Variants in PPP2R5C observed in about 807,000 individuals in gnomAD.
The protein encoded by PPP2R5C is serine/threonine-protein phosphatase 2A 56 kDa regulatory subunit gamma isoform.
A neutral mutation model predicts 68.9 loss-of-function variants in PPP2R5C; 7 were observed. That is an observed-to-expected ratio of 0.10 (90% CI 0.06 to 0.19). The LOEUF (loss-of-function observed/expected upper bound fraction) is 0.19, where lower values mean the gene tolerates loss of function less well. Ranked by LOEUF, PPP2R5C falls within the 10% of genes least tolerant of loss-of-function variation. PPP2R5C has a pLI of 1.00. For synonymous variants in PPP2R5C, 210 were observed against 222.2 expected, an observed-to-expected ratio of 0.95 and a Z score of 0.49; for missense variants, 348 against 641.3, an observed-to-expected ratio of 0.54 and a Z score of 4.94.
chr14:101,890,042 TGCCCTCGAG>T, intron 5 of PPP2R5C, 186 bp from the exon 8 acceptor site: 3 of 685,834 alleles, frequency 4.4e-6, no homozygotes, highest in Non-Finnish European at 8.0e-6. Context: ...CCAAGTTCTC[TGCCCTCGAG>T]GCATTTACAG....
At position 101,882,943 on chromosome 14, in the gene PPP2R5C, T is replaced by C. The variant is rs561839398; in HGVS notation, c.406-314T>C. 2 of 244,854 alleles carry C rather than the reference T, an allele frequency of 8.2e-6. No homozygotes were observed. The highest frequency in any genetic ancestry group is 2.4e-4 in the East Asian group (2 of 8,316). 15.2% of individuals were successfully genotyped at this position (244,854 alleles called of 1,614,324 possible). Reference sequence around the variant, plus strand: ...CAGGCTGCAAATCCCCCCTGCAGAGTTGGGTCATGGCTTGGTTTGTGGCAT... The same window carrying C: ...CAGGCTGCAAATCCCCCCTGCAGAGCTGGGTCATGGCTTGGTTTGTGGCAT... On this transcript the variant is annotated intron_variant, in intron 3 of 13. Transcript: ENST00000334743. This position sits in a 1 kb window ranked among gnomAD's most constrained non-coding sequence, Gnocchi z 4.9.
At chr14:101,900,579 G>A (rs753771319) in intron 8 of PPP2R5C, among the ~76,000 whole-genome samples, 7 of 152,164 alleles carry the variant, frequency 4.6e-5, no homozygotes, top group African/African-American at 7.2e-5. Context: ...TGCCTGTTTT[G>A]GATTGTTGTA....
intron 1 of PPP2R5C, chr14:101,839,489 G>A (rs1483251010): frequency 6.6e-6 from 1 of 152,408 alleles, no homozygotes; most frequent in Non-Finnish European, 1.5e-5. Flanking sequence ...GGCACCTGTG[G>A]ACACCCTGAC....
chr14:101,896,859 G>A (rs1376991693), intron 8 of PPP2R5C, among the ~76,000 whole-genome samples: 1 of 152,128 alleles, frequency 6.6e-6, no homozygotes, highest in Non-Finnish European at 1.5e-5. Context: ...CAGTTCTTTT[G>A]TGAAGTTGTA....
intron 3 of PPP2R5C, among the ~76,000 whole-genome samples, chr14:101,804,528 A>C (rs556457172): frequency 2.6e-5 from 4 of 152,230 alleles, no homozygotes; most frequent in Non-Finnish European, 5.9e-5. Context: ...ATAGAGTACT[A>C]TTCAGCCATG....
At chr14:101,854,642 C>T (rs2042318881) in intron 1 of PPP2R5C, among the ~76,000 whole-genome samples, 1 of 152,090 alleles carries the variant, frequency 6.6e-6, no homozygotes, top group African/African-American at 2.4e-5. Flanking sequence ...AGCAACACCC[C>T]GCCGCCCCCA....
rs546951520 is a variant in PPP2R5C at position 101,910,529 on chromosome 14, C to T, written c.1253+839C>T. ...TCTGGCAATATAGCAATGAATAAAA[C>T]CCACAAAAATCCTTGCCCCTGGGCC... On this transcript the variant is annotated intron_variant, in intron 11 of 13. Transcript: ENST00000334743. Among the ~76,000 whole-genome samples the T allele has an allele frequency of 2.0e-5, 3 of 152,306 alleles. No individual in the cohort carries two copies. In the South Asian group the frequency reaches 6.2e-4, roughly 32 times the overall value.
intron 2 of PPP2R5C, among the ~76,000 whole-genome samples, chr14:101,867,630 T>C (rs1040423509): frequency 6.6e-6 from 1 of 151,866 alleles, no homozygotes; most frequent in Admixed American, 6.6e-5. Flanking sequence ...ATATGAAAAT[T>C]AGCCAGGCAT....
At chr14:101,872,697 C>T (rs1189609406) in intron 2 of PPP2R5C, among the ~76,000 whole-genome samples, 3 of 152,200 alleles carry the variant, frequency 2.0e-5, no homozygotes, top group Non-Finnish European at 4.4e-5. Flanking sequence ...CTTTCCCCCT[C>T]TGGGAGCTTT....
chr14:101,783,627 A>C (rs990277616), intron 2 of PPP2R5C, among the ~76,000 whole-genome samples: 2 of 152,090 alleles, frequency 1.3e-5, no homozygotes, highest in Non-Finnish European at 2.9e-5. Flanking sequence ...GCCTATCCTC[A>C]GTGTGTCCCC....
intron 1 of PPP2R5C, among the ~76,000 whole-genome samples, chr14:101,828,926 G>A (rs1031289683): frequency 2.0e-5 from 3 of 152,064 alleles, no homozygotes; most frequent in Non-Finnish European, 2.9e-5. Flanking sequence ...TGATCCACCC[G>A]CCTCGGCTTC....
chr14:101,770,609 G>A (rs2139967314), intron 2 of PPP2R5C, among the ~76,000 whole-genome samples: 1 of 152,292 alleles, frequency 6.6e-6, no homozygotes, highest in South Asian at 2.1e-4. Flanking sequence ...TGTGTATCAT[G>A]GTTAAAGCCA....
chr14:101,834,903 C>A (rs1266395036), intron 1 of PPP2R5C, among the ~76,000 whole-genome samples: 1 of 152,204 alleles, frequency 6.6e-6, no homozygotes, highest in African/African-American at 2.4e-5. Flanking sequence ...GGGCCTGTGG[C>A]CACAGAGCCT....
At chr14:101,884,006 G>A (rs998890869) in intron 5 of PPP2R5C, among the ~76,000 whole-genome samples, 1 of 152,212 alleles carries the variant, frequency 6.6e-6, no homozygotes, top group African/African-American at 2.4e-5. Flanking sequence ...ACCCACAATA[G>A]GCTGTCTGCA....
upstream of PPP2R5C, among the ~76,000 whole-genome samples, chr14:101,807,522 A>G (rs2039123719): frequency 1.3e-5 from 2 of 152,222 alleles, no homozygotes; most frequent in Non-Finnish European, 2.9e-5. Context: ...TTAATTGGAA[A>G]TACTTTAAAC....
At chr14:101,792,595 G>A (rs2038409390) in intron 3 of PPP2R5C, among the ~76,000 whole-genome samples, 1 of 152,214 alleles carries the variant, frequency 6.6e-6, no homozygotes, top group South Asian at 2.1e-4. Flanking sequence ...GGTGACAGCT[G>A]AAGCTTTTTT....
At chr14:101,808,987 A>G (rs1595217403), upstream of PPP2R5C, among the ~76,000 whole-genome samples, 1 of 152,244 alleles carries the variant, frequency 6.6e-6, no homozygotes, top group Non-Finnish European at 1.5e-5. Flanking sequence ...TTGAAGATAG[A>G]AAATTTAGAT....
At chr14:101,847,077 G>A (rs760546973) in intron 1 of PPP2R5C, among the ~76,000 whole-genome samples, 3 of 152,120 alleles carry the variant, frequency 2.0e-5, no homozygotes, top group Admixed American at 6.5e-5. Context: ...TATTTCAAAC[G>A]GTACCTCTCA....
chr14:101,818,796 A>G (rs920603648), intron 1 of PPP2R5C: 4 of 526,868 alleles, frequency 7.6e-6, no homozygotes, highest in African/African-American at 7.6e-5. Context: ...ATTGTTTTTA[A>G]ATGTTGATAT....
Sources: allele counts gnomAD v4.1 joint callset (sites outside exome capture counted in the v4.1 genomes callset), GRCh38; gene constraint gnomAD v4.1.1; non-coding constraint Gnocchi (gnomAD v3.1); transcripts MANE v1.5; gene names NCBI Gene and HGNC (gene_info 2026-07-23, HGNC 2026-07-21).